CCDC180: variants seen among roughly 807,000 people sequenced by gnomAD.
The protein encoded by CCDC180 is coiled-coil domain-containing protein 180.
In CCDC180, 154 loss-of-function variants were observed where a neutral mutation model predicts 209.2. That is an observed-to-expected ratio of 0.74 (90% CI 0.65 to 0.84). The LOEUF (loss-of-function observed/expected upper bound fraction) is 0.84. Ranked by LOEUF, CCDC180 falls within the 40% of genes least tolerant of loss-of-function variation. CCDC180 has a pLI of 0.00. For synonymous variants in CCDC180, 778 were observed against 749.1 expected, an observed-to-expected ratio of 1.04 and a Z score of -0.63; for missense variants, 1,874 against 1,997.3, an observed-to-expected ratio of 0.94 and a Z score of 1.18.
At chr9:97,354,543 TTTTA>T in intron 22 of CCDC180, 22 bp from the exon 23 acceptor site, 1 of 1,613,222 alleles carries the variant, frequency 6.2e-7, no homozygotes. Context: ...GATCTGTGGC[TTTTA>T]TTTGTCTTTG....
At position 97,352,945 on chromosome 9, in the gene CCDC180, G is replaced by GTATA. The variant is rs538679980; in HGVS notation, c.3003-1611_3003-1608dup. 1.1e-3 allele frequency among the ~76,000 whole-genome samples: 144 copies of GTATA among 136,384 alleles called. 1 individual carries two copies. The highest frequency in any genetic ancestry group is 3.1e-3 in the African/African-American group (115 of 36,664). 89.5% of individuals were successfully genotyped at this position (136,384 alleles called of 152,430 possible). On this transcript the variant is annotated intron_variant, in intron 22 of 36. Transcript: ENST00000529487. ...TTTGTAGATATATACATATACGTAT[G>GTATA]TATATATATATATATACACACACAC...
intron 15 of CCDC180, among the ~76,000 whole-genome samples, chr9:97,327,280 T>G (rs1241971141): frequency 6.6e-6 from 1 of 152,260 alleles, no homozygotes; most frequent in Non-Finnish European, 1.5e-5. Flanking sequence ...CTTTTCCTTT[T>G]TTATGGGCAT....
intron 18 of CCDC180, among the ~76,000 whole-genome samples, chr9:97,336,420 A>T (rs940021722): frequency 6.6e-6 from 1 of 152,182 alleles, no homozygotes; most frequent in African/African-American, 2.4e-5. Flanking sequence ...TGAACAGGAG[A>T]TCCTGTCCCC....
chr9:97,354,975 G>A lies in CCDC180; in HGVS notation c.3231G>A (p.Leu1077=), dbSNP rs1241419781. Residue 1077 remains leucine (L), a synonymous_variant, in exon 24 of 37, where the codon TTG becomes TTA. Coordinates refer to ENST00000529487, the MANE Select transcript of CCDC180 (RefSeq NM_020893.6). Reference sequence around the variant, plus strand: ...TTTTCATAGAGAAAATCCAGCGGTTGCTGACGAATCTGCAAGTGAAAATCA... The same window carrying A: ...TTTTCATAGAGAAAATCCAGCGGTTACTGACGAATCTGCAAGTGAAAATCA... ...DLIFIEKIQR[L]LTNLQVKIKC... is the part of the protein sequence containing the mutation. The A allele has an allele frequency of 1.2e-6, 2 of 1,613,764 alleles. No individual in the cohort carries two copies. The highest frequency in any genetic ancestry group is 2.2e-5 in the East Asian group (1 of 44,886).
intron 24 of CCDC180, 52 bp downstream of exon 24, chr9:97,355,060 C>G (rs2306094): frequency 0.21 from 247,852 of 1,204,836 alleles, 28,201 homozygotes; most frequent in Admixed American, 0.38. Context: ...CACCTGCACA[C>G]CAGGCACTGT....
intron 29 of CCDC180, 101 bp from the exon 30 acceptor site, chr9:97,365,572 C>T: frequency 4.8e-6 from 5 of 1,049,826 alleles, no homozygotes; most frequent in African/African-American, 1.6e-5. Flanking sequence ...AGGAGTGTCA[C>T]GGCCAAAACA....
chr9:97,322,349 C>T (rs1169365644), intron 11 of CCDC180, among the ~76,000 whole-genome samples: 1 of 152,168 alleles, frequency 6.6e-6, no homozygotes, highest in Non-Finnish European at 1.5e-5. Context: ...AGCACTAAAC[C>T]AGAGTTGCTT....
In CCDC180 at chr9:97,349,256, G is replaced by A. The variant is rs1310655036; in HGVS notation, c.2820G>A (p.Met940Ile). 1.3e-6 allele frequency: 2 copies of A among 1,536,644 alleles called. No homozygotes were observed. The highest frequency in any genetic ancestry group is 1.7e-6 in the Non-Finnish European group (2 of 1,147,036). The change falls in exon 21 of 37, where the codon ATG (methionine) becomes ATA (isoleucine). Residue 940 changes from methionine to isoleucine, a missense_variant. Transcript: ENST00000529487. ...ACTTCCGCCTTAAGATCTATGACATGGAGCACATCTTCTTGAATGCCACCA... is the reference window on the plus strand; with the variant it reads ...ACTTCCGCCTTAAGATCTATGACATAGAGCACATCTTCTTGAATGCCACCA... ...SKNFRLKIYD[M>I]EHIFLNATRS... is the part of the protein sequence containing the mutation.
At chr9:97,358,482 T>C (rs1826652675) in intron 25 of CCDC180, among the ~76,000 whole-genome samples, 1 of 152,108 alleles carries the variant, frequency 6.6e-6, no homozygotes, top group African/African-American at 2.4e-5. Context: ...GTATGAAAAG[T>C]CAGAATTGGA....
intron 22 of CCDC180, among the ~76,000 whole-genome samples, chr9:97,352,911 T>C (rs1478313310): frequency 6.6e-6 from 1 of 151,412 alleles, no homozygotes; most frequent in Non-Finnish European, 1.5e-5. Context: ...TTAATTATTA[T>C]AGTTTCCATT....
At chr9:97,359,896 G>A (rs1202152735) in intron 25 of CCDC180, 86 bp from the exon 26 acceptor site, 17 of 1,545,598 alleles carry the variant, frequency 1.1e-5, no homozygotes, top group Non-Finnish European at 1.4e-5. Context: ...CATCAGCCCA[G>A]CCCCTGTTCC....
intron 18 of CCDC180, among the ~76,000 whole-genome samples, chr9:97,336,980 G>A (rs10981676): frequency 0.29 from 44,791 of 151,946 alleles, 7,243 homozygotes; most frequent in African/African-American, 0.41. Context: ...TTATTGGTGT[G>A]TAAGAATGCT....
Position 97,374,567 on chromosome 9 carries a change from T to G in CCDC180, c.4625T>G (p.Leu1542Ter), listed in dbSNP as rs747624495. ...VARMEPPKQK[L>*]SMLIRRKLAG... ...GGGATGGAGCCCCCCAAACAGAAAT[T>G]ATCAATGCTCATACGAAGGAAACTC... The change falls in exon 35 of 37, where the codon TTA becomes TGA. Residue 1542 changes from leucine to a stop codon, truncating the protein, a stop_gained. Coordinates refer to ENST00000529487, the MANE Select transcript of CCDC180 (RefSeq NM_020893.6). LOFTEE classifies it high-confidence loss of function. 4 of 1,613,982 alleles carry G rather than the reference T, an allele frequency of 2.5e-6. No individual in the cohort carries two copies. In the East Asian group the frequency reaches 6.7e-5, roughly 27 times the overall value.
In CCDC180 at chr9:97,371,634, T is replaced by C; in HGVS notation, c.4528T>C (p.Leu1510=). 6.2e-7 allele frequency: 1 copy of C among 1,608,540 alleles called. No homozygotes were observed. The part of the protein sequence containing the change: ...RRNGQVFITN[L]ATFTEKFLLQ... ...GAATGGCCAGGTTTTCATAACCAAC[T>C]TGGCCACCTTCACCGAGAAGTTCCT... The change falls in exon 34 of 37, where the codon TTG becomes CTG. Residue 1510 remains leucine (L), a synonymous_variant. Transcript: ENST00000529487.
chr9:97,361,057 G>A (rs1291250557), intron 26 of CCDC180, among the ~76,000 whole-genome samples: 4 of 152,194 alleles, frequency 2.6e-5, no homozygotes, highest in Non-Finnish European at 5.9e-5. Context: ...AGGGTCTAGC[G>A]TGAAGGTATT....
chr9:97,366,468 G>C lies in CCDC180; in HGVS notation c.4048-91G>C. ...GGATGCCACGAGCAAAGGCTAGGGA[G>C]TGTGGAGGTGAGGGCAGGCTGGTGG... is the stretch of plus-strand genomic sequence containing the variant. On this transcript the variant is annotated intron_variant, in intron 30 of 36. Transcript: ENST00000529487. This position sits in a 1 kb window ranked among gnomAD's most constrained non-coding sequence, Gnocchi z 4.3. 7.6e-7 allele frequency: 1 copy of C among 1,310,692 alleles called. No individual in the cohort carries two copies. Among genetic ancestry groups the C allele is most frequent in the East Asian group, 2.3e-5 (1 of 42,986 alleles). The allele number at this position is 1,310,692 out of a possible 1,614,324, so 81.2% of individuals were successfully genotyped here.
intron 26 of CCDC180, among the ~76,000 whole-genome samples, chr9:97,360,494 C>T (rs1162872304): frequency 6.6e-6 from 1 of 152,138 alleles, no homozygotes; most frequent in East Asian, 1.9e-4. Flanking sequence ...CTGCCTCTTG[C>T]CCACCTGATG....
intron 18 of CCDC180, 32 bp from the exon 19 acceptor site, chr9:97,343,307 AT>A (rs1164298832): frequency 7.1e-7 from 1 of 1,415,072 alleles, no homozygotes. Context: ...ATTTGATGAT[AT>A]CAAGTCAACT....
At chr9:97,340,199 G>A (rs553163494) in intron 18 of CCDC180, among the ~76,000 whole-genome samples, 3 of 152,278 alleles carry the variant, frequency 2.0e-5, no homozygotes, top group South Asian at 2.1e-4. Flanking sequence ...GCTTTGTTCT[G>A]TTGCTGGTGA....
Sources: gnomAD v4.1 joint callset for allele counts (sites outside exome capture counted in the v4.1 genomes callset) on GRCh38, gnomAD v4.1.1 for gene constraint, Gnocchi (gnomAD v3.1) non-coding constraint, MANE v1.5 for transcripts, NCBI Gene and HGNC (gene_info 2026-07-23, HGNC 2026-07-21) for gene names.